LSAMP: variants seen among roughly 807,000 people sequenced by gnomAD.
LSAMP encodes the protein limbic system associated membrane protein.
Under a neutral mutation model 38.6 loss-of-function variants are expected in LSAMP, and 7 were observed. That is an observed-to-expected ratio of 0.18 (90% confidence interval 0.10 to 0.34). The LOEUF is 0.34. LSAMP is among the 10% of genes least tolerant of loss of function. The probability of loss-of-function intolerance (pLI) is 1.00; values close to 1 mark genes in which losing one functional copy is unlikely to be tolerated. For missense variants in LSAMP, 313 were observed against 420.0 expected, an observed-to-expected ratio of 0.75 and a Z score of 2.23; for synonymous variants, 154 against 166.8, an observed-to-expected ratio of 0.92 and a Z score of 0.59.
intron 1 of LSAMP, among the ~76,000 whole-genome samples, chr3:116,376,704 A>C (rs1008849282): frequency 2.0e-5 from 3 of 152,126 alleles, no homozygotes; most frequent in Non-Finnish European, 2.9e-5. Context: ...AGAACTTAAA[A>C]GAAGCTGAAG....
At chr3:116,263,537 CAA>C (rs201229887) in intron 1 of LSAMP, among the ~76,000 whole-genome samples, 25,355 of 111,706 alleles carry the variant, frequency 0.23, 2,173 homozygotes, top group African/African-American at 0.27. Context: ...GACTTTGTCT[CAA>C]AAAAAAAAAA....
At chr3:116,220,660 C>T (rs1456974850) in intron 1 of LSAMP, among the ~76,000 whole-genome samples, 1 of 152,080 alleles carries the variant, frequency 6.6e-6, no homozygotes, top group Non-Finnish European at 1.5e-5. Context: ...TCTCGAGCAT[C>T]ATACATTTAA....
rs138938657 is a variant in LSAMP at position 116,307,710 on chromosome 3, G to T, written c.155+137167C>A. Among the ~76,000 whole-genome samples the T allele has an allele frequency of 2.2e-4, 34 of 152,004 alleles. No individual in the cohort carries two copies. The East Asian group carries it at 6.6e-3, about 29-fold the overall frequency. On this transcript the variant is annotated intron_variant, in intron 1 of 6. Coordinates refer to ENST00000490035, the MANE Select transcript of LSAMP (RefSeq NM_002338.5). ...TAATGCATCAATAAGATGGGTTTCTGTACCATTAAAATAGCATTTAGAGAG... is the reference window on the plus strand; with the variant it reads ...TAATGCATCAATAAGATGGGTTTCTTTACCATTAAAATAGCATTTAGAGAG...
intron 6 of LSAMP, among the ~76,000 whole-genome samples, chr3:115,833,152 G>T (rs1478000067): frequency 6.6e-6 from 1 of 152,078 alleles, no homozygotes; most frequent in Non-Finnish European, 1.5e-5. Context: ...CAATATATTT[G>T]CAAGAGGGCA....
At chr3:115,916,849 A>G (rs1216765357) in intron 3 of LSAMP, among the ~76,000 whole-genome samples, 3 of 152,214 alleles carry the variant, frequency 2.0e-5, no homozygotes, top group Non-Finnish European at 2.9e-5. Flanking sequence ...CGTTACACAC[A>G]TTGCATGAAT....
At chr3:116,253,346 C>T (rs1193762521) in intron 1 of LSAMP, among the ~76,000 whole-genome samples, 1 of 152,162 alleles carries the variant, frequency 6.6e-6, no homozygotes, top group Admixed American at 6.5e-5. Flanking sequence ...ATCCAAACCC[C>T]AAACAAAGAG....
intron 1 of LSAMP, among the ~76,000 whole-genome samples, chr3:116,195,407 TTAAA>T (rs1463960366): frequency 6.6e-6 from 1 of 152,218 alleles, no homozygotes; most frequent in African/African-American, 2.4e-5. Context: ...ATATTTCTGA[TTAAA>T]TAAATTTTCT....
Position 115,842,530 on chromosome 3 carries a change from C to G in LSAMP, c.698G>C (p.Arg233Pro). The change falls in exon 5 of 7, where the codon CGA (arginine) becomes CCA (proline). Residue 233 changes from arginine (R) to proline (P), a missense_variant. Transcript: ENST00000490035. The part of the protein sequence containing the change: ...ESKSNEATTG[R>P]QASLKCEASA... Reference sequence around the variant, plus strand: ...GGCCTCACATTTGAGTGAAGCTTGTCGTCCTGTGGTGGCTTCATTGCTCTT... The same window carrying G: ...GGCCTCACATTTGAGTGAAGCTTGTGGTCCTGTGGTGGCTTCATTGCTCTT... The G allele has an allele frequency of 1.9e-6, 3 of 1,613,782 alleles. No homozygotes were observed. Among genetic ancestry groups the G allele is most frequent in the Non-Finnish European group, 2.5e-6 (3 of 1,179,822 alleles).
In LSAMP at chr3:116,162,577, G is replaced by GGT. The variant is rs377150720; in HGVS notation, c.156-76023_156-76022dup. On this transcript the variant is annotated intron_variant, in intron 1 of 6. Transcript: ENST00000490035. ...ACAACTTTGTTTTTCTGTCTATACA[G>GGT]GTGTGTGTGTGTGAATATGTGTATG... is the stretch of plus-strand genomic sequence containing the variant. Among the ~76,000 whole-genome samples, 23 of 151,522 alleles carry GGT rather than the reference G, an allele frequency of 1.5e-4. No individual in the cohort carries two copies. In the South Asian group the frequency reaches 2.9e-3, roughly 19 times the overall value.
chr3:116,099,088 T>A (rs1479710337), intron 1 of LSAMP, among the ~76,000 whole-genome samples: 1 of 152,228 alleles, frequency 6.6e-6, no homozygotes, highest in East Asian at 1.9e-4. Flanking sequence ...CACCCCCTTG[T>A]ACTACTGCAT....
chr3:115,829,979 A>G (rs1047087786), intron 6 of LSAMP, among the ~76,000 whole-genome samples: 2 of 152,196 alleles, frequency 1.3e-5, no homozygotes, highest in Non-Finnish European at 2.9e-5. Flanking sequence ...TTTAAATTCA[A>G]TATGCCTTCT....
chr3:116,337,060 TAAATC>T (rs1559832649), intron 1 of LSAMP, among the ~76,000 whole-genome samples: 2 of 151,670 alleles, frequency 1.3e-5, no homozygotes, highest in East Asian at 3.9e-4. Flanking sequence ...CTAAATGAAA[TAAATC>T]AGTCACAAAA....
At chr3:116,264,031 A>G (rs566913406) in intron 1 of LSAMP, among the ~76,000 whole-genome samples, 2 of 152,238 alleles carry the variant, frequency 1.3e-5, no homozygotes, top group Non-Finnish European at 2.9e-5. Context: ...CAGGATGGCA[A>G]TAAAACAAGT....
chr3:116,223,819 A>G (rs991124900), intron 1 of LSAMP, among the ~76,000 whole-genome samples: 1 of 152,192 alleles, frequency 6.6e-6, no homozygotes, highest in Admixed American at 6.5e-5. Flanking sequence ...CAGTCCCACA[A>G]TGCTGCTGCC....
At chr3:115,891,450 C>G (rs1420973215) in intron 3 of LSAMP, among the ~76,000 whole-genome samples, 1 of 152,042 alleles carries the variant, frequency 6.6e-6, no homozygotes, top group Non-Finnish European at 1.5e-5. Context: ...TCATCCCAGT[C>G]AAAGCCTTCC....
chr3:115,879,400 T>G (rs1576178383), intron 3 of LSAMP, among the ~76,000 whole-genome samples: 1 of 152,264 alleles, frequency 6.6e-6, no homozygotes, highest in South Asian at 2.1e-4. Context: ...TCCACTCCAG[T>G]CACTGAAACA....
intron 1 of LSAMP, among the ~76,000 whole-genome samples, chr3:116,139,392 C>A (rs1387447959): frequency 1.3e-5 from 2 of 151,918 alleles, no homozygotes; most frequent in Non-Finnish European, 2.9e-5. Flanking sequence ...CTGAGGCCAA[C>A]CTGGAGTTCT....
chr3:116,373,977 A>G (rs1462952602), intron 1 of LSAMP, among the ~76,000 whole-genome samples: 1 of 151,958 alleles, frequency 6.6e-6, no homozygotes, highest in Non-Finnish European at 1.5e-5. Context: ...CCCAGAGTCC[A>G]TTACATAAAG....
intron 1 of LSAMP, among the ~76,000 whole-genome samples, chr3:116,287,954 C>T (rs1045469662): frequency 1.3e-5 from 2 of 152,166 alleles, no homozygotes; most frequent in African/African-American, 2.4e-5. Context: ...GATATTTCCT[C>T]TCCATTTCTA....
Sources: gnomAD v4.1 joint callset for allele counts (sites outside exome capture counted in the v4.1 genomes callset) on GRCh38, gnomAD v4.1.1 for gene constraint, MANE v1.5 for transcripts, NCBI Gene and HGNC (gene_info 2026-07-23, HGNC 2026-07-21) for gene names.